The following WDFY4 variants were observed in gnomAD, a reference collection of about 807,000 sequenced individuals.
WDFY4 encodes WD repeat- and FYVE domain-containing protein 4.
In WDFY4, 169 loss-of-function variants were observed where a neutral mutation model predicts 351.9. The observed-to-expected ratio is 0.48, with a 90% CI of 0.42 to 0.55. The LOEUF is 0.55. Among genes scored for constraint, WDFY4 ranks in the 20% least tolerant of loss-of-function variants. The pLI is 0.00. For missense variants in WDFY4, 3,803 were observed against 3,935.6 expected, an observed-to-expected ratio of 0.97 and a Z score of 0.90; for synonymous variants, 1,622 against 1,574.6, an observed-to-expected ratio of 1.03 and a Z score of -0.71.
intron 2 of WDFY4, among the ~76,000 whole-genome samples, chr10:48,718,581 G>A (rs1189514988): frequency 3.3e-5 from 5 of 152,216 alleles, no homozygotes; most frequent in East Asian, 1.9e-4. Context: ...ACGGATGCCC[G>A]GAATGTGCAC....
intron 39 of WDFY4, among the ~76,000 whole-genome samples, chr10:48,835,438 G>T (rs184811019): frequency 6.6e-6 from 1 of 152,342 alleles, no homozygotes; most frequent in East Asian, 1.9e-4. Context: ...GCACTGAGGT[G>T]CATGTGTGCT....
chr10:48,864,594 T>C (rs2069473568), intron 39 of WDFY4, among the ~76,000 whole-genome samples: 3 of 152,322 alleles, frequency 2.0e-5, no homozygotes, highest in Non-Finnish European at 2.9e-5. Flanking sequence ...ATCTTGAAGA[T>C]TGACTTTTCA....
intron 57 of WDFY4, among the ~76,000 whole-genome samples, chr10:48,973,315 A>G (rs897124597): frequency 1.3e-5 from 2 of 151,608 alleles, no homozygotes; most frequent in African/African-American, 4.9e-5. Context: ...CTGCTCACTT[A>G]GGCAGTTTTC....
In WDFY4 at chr10:48,914,014, G is replaced by A. The variant is rs373215473; in HGVS notation, c.7586+12151G>A. The A allele has an allele frequency of 9.5e-5, 154 of 1,614,054 alleles. No individual in the cohort carries two copies. The highest frequency in any genetic ancestry group is 1.9e-4 in the African/African-American group (14 of 74,928). ...TCCAGCTCGTCCATGTCACTAAGGC[G>A]CAGAATACACTTGGGGAAGGTGGTA... is the stretch of plus-strand genomic sequence containing the variant. On this transcript the variant is annotated intron_variant, in intron 47 of 61. Transcript: ENST00000325239.
intron 60 of WDFY4, among the ~76,000 whole-genome samples, chr10:48,980,966 T>C (rs932881184): frequency 6.6e-6 from 1 of 152,250 alleles, no homozygotes; most frequent in Non-Finnish European, 1.5e-5. Context: ...ATGCCGACTT[T>C]ATGTAATTTA....
chr10:48,908,837 C>G (rs533818082), intron 47 of WDFY4, among the ~76,000 whole-genome samples: 34 of 152,210 alleles, frequency 2.2e-4, no homozygotes, highest in African/African-American at 7.2e-4. Context: ...GAGTAACCAC[C>G]ACCACAATCG....
At chr10:48,795,011 A>G (rs2066809691) in intron 23 of WDFY4, among the ~76,000 whole-genome samples, 1 of 152,176 alleles carries the variant, frequency 6.6e-6, no homozygotes, top group African/African-American at 2.4e-5. Flanking sequence ...AATGAGAAAT[A>G]CTAGAATATA....
intron 46 of WDFY4, among the ~76,000 whole-genome samples, chr10:48,901,296 A>G (rs540897199): frequency 1.3e-5 from 2 of 152,246 alleles, no homozygotes; most frequent in Admixed American, 1.3e-4. Flanking sequence ...CATACAACCC[A>G]TTAAACTTGA....
In WDFY4 at chr10:48,745,333, C is replaced by A. The variant is rs770534341; in HGVS notation, c.2459+1785C>A. ...AAATTGGTTGAGGTTGACTTCATGG[C>A]CCTCAATGTAGTCCCTTCTCATAAA... On this transcript the variant is annotated intron_variant, in intron 12 of 61. Coordinates refer to ENST00000325239, the MANE Select transcript of WDFY4 (RefSeq NM_001394531.1). Among the ~76,000 whole-genome samples the A allele has an allele frequency of 2.6e-5, 4 of 152,102 alleles. No individual in the cohort carries two copies. In the East Asian group the frequency reaches 7.7e-4, roughly 29 times the overall value.
At chr10:48,835,097 C>T (rs2068338679) in intron 39 of WDFY4, among the ~76,000 whole-genome samples, 1 of 152,212 alleles carries the variant, frequency 6.6e-6, no homozygotes, top group Admixed American at 6.5e-5. Flanking sequence ...TTATTGAGCA[C>T]TTACTCTGTA....
chr10:48,769,808 C>T (rs1404924564), intron 13 of WDFY4, among the ~76,000 whole-genome samples: 2 of 151,834 alleles, frequency 1.3e-5, no homozygotes, highest in South Asian at 2.1e-4. Flanking sequence ...TGAACATCCA[C>T]AGACAGACAG....
At chr10:48,943,228 CCA>C in intron 48 of WDFY4, 100 bp from the exon 49 acceptor site, 1 of 1,411,988 alleles carries the variant, frequency 7.1e-7, no homozygotes, top group South Asian at 1.4e-5. Flanking sequence ...CTGTCCTCAC[CCA>C]CAGAGCCAGG....
At chr10:48,692,250 A>T (rs1227503256) in intron 1 of WDFY4, among the ~76,000 whole-genome samples, 1 of 152,256 alleles carries the variant, frequency 6.6e-6, no homozygotes. Context: ...GTCAGATCAC[A>T]GATTCTTGTA....
chr10:48,947,398 T>G (rs1023550574), intron 51 of WDFY4, among the ~76,000 whole-genome samples: 1 of 152,140 alleles, frequency 6.6e-6, no homozygotes, highest in African/African-American at 2.4e-5. Flanking sequence ...AAGAACAAAC[T>G]GAAAGGCTTC....
At position 48,968,834 on chromosome 10, in the gene WDFY4, T is replaced by C. The variant is rs542873251; in HGVS notation, c.8585-230T>C. 28 of 525,982 alleles carry C rather than the reference T, an allele frequency of 5.3e-5. No individual in the cohort carries two copies. In the South Asian group the frequency reaches 6.4e-4, roughly 12 times the overall value. The allele number at this position is 525,982 out of a possible 1,614,324, so 32.6% of individuals were successfully genotyped here. A position where few individuals can be genotyped will look rare whatever the true frequency, so the allele number is the denominator to read the frequency against. ...AGGGAGGATGGGAATTGTGCCTCCC[T>C]GTGACTCCTGCCCCGGGGCCCGGCT... On this transcript the variant is annotated intron_variant, in intron 55 of 61. Transcript: ENST00000325239.
intron 46 of WDFY4, among the ~76,000 whole-genome samples, chr10:48,901,109 C>T (rs1263167616): frequency 6.6e-6 from 1 of 152,210 alleles, no homozygotes; most frequent in African/African-American, 2.4e-5. Context: ...CCCACTACTG[C>T]ATCCAAGAGG....
rs1252543347 is a variant in WDFY4, at chr10:48,832,672, C to T, written c.6626C>T (p.Pro2209Leu). The change falls in exon 39 of 62, where the codon CCC becomes CTC. Residue 2209 changes from proline (P) to leucine (L), a missense_variant. Transcript: ENST00000325239. ...GSLSSAMKLM[P>L]GRQAKDPECK... is the part of the protein sequence containing the mutation. ...CTGTCCTCAGCCATGAAGCTGATGC[C>T]CGGGCGGCAGGCCAAGGACCCTGAG... 3 of 1,550,250 alleles carry T rather than the reference C, an allele frequency of 1.9e-6. No homozygotes were observed. The highest frequency in any genetic ancestry group is 2.6e-6 in the Non-Finnish European group (3 of 1,146,214).
chr10:48,800,906 T>G (rs958327008), intron 24 of WDFY4, among the ~76,000 whole-genome samples: 1 of 151,946 alleles, frequency 6.6e-6, no homozygotes, highest in African/African-American at 2.4e-5. Context: ...CTCATTTTTT[T>G]ATATTTAGTA....
intron 25 of WDFY4, chr10:48,804,705 A>G (rs2067195932): frequency 1.0e-6 from 1 of 984,768 alleles, no homozygotes; most frequent in African/African-American, 1.7e-5. Context: ...AGAAACAGAT[A>G]TTTATCCTGG....
Sources: allele counts gnomAD v4.1 joint callset (sites outside exome capture counted in the v4.1 genomes callset), GRCh38; gene constraint gnomAD v4.1.1; transcripts MANE v1.5; gene names NCBI Gene and HGNC (gene_info 2026-07-23, HGNC 2026-07-21).